TAF1D: variants seen among roughly 807,000 people sequenced by gnomAD.
TAF1D encodes the protein TATA box-binding protein-associated factor RNA polymerase I subunit D.
In TAF1D, 23 loss-of-function variants were observed where a neutral mutation model predicts 26.2. The ratio of observed to expected loss-of-function variants is 0.88; its 90% CI spans 0.63 to 1.25. TAF1D has a LOEUF of 1.25. TAF1D is among the 50% of genes most tolerant of loss of function. The pLI is 0.00. For missense variants in TAF1D, 299 were observed against 322.0 expected, an observed-to-expected ratio of 0.93 and a Z score of 0.55; for synonymous variants, 100 against 105.6, an observed-to-expected ratio of 0.95 and a Z score of 0.33.
At chr11:93,734,940 T>G (rs1049265813), downstream of TAF1D, 2 of 972,552 alleles carry the variant, frequency 2.1e-6, no homozygotes, top group Non-Finnish European at 2.7e-6. Context: ...ATTTTTAAAT[T>G]TTTGTGGAGA....
chr11:93,735,501 T>C (rs1002762038), downstream of TAF1D: 5 of 409,786 alleles, frequency 1.2e-5, no homozygotes, highest in Non-Finnish European at 1.7e-5. Context: ...TGAAAGCCTG[T>C]CTCTACTAAA....
At chr11:93,735,252 A>C (rs374381331), downstream of TAF1D, 2 of 1,340,716 alleles carry the variant, frequency 1.5e-6, no homozygotes, top group South Asian at 2.3e-5. Context: ...AAAATGCACT[A>C]CATAGCAGAG....
chr11:93,738,144 T>C lies in TAF1D; in HGVS notation c.424A>G (p.Lys142Glu). Residue 142 changes from lysine (K) to glutamate (E), a missense_variant, in exon 3 of 6, where the codon AAA becomes GAA. Physicochemically the swap from Lys to Glu is moderately conservative, Grantham distance 56 (BLOSUM62 1). Coordinates refer to ENST00000448108, the MANE Select transcript of TAF1D (RefSeq NM_024116.4). ...GFPFLESENEKNAPWRKILTF... is the reference protein window; with the variant it reads ...GFPFLESENEENAPWRKILTF... ...AAAATTTTTCTCCAAGGTGCGTTTTTTTCATTCTCTGATTCTAAAAATGGG... is the reference window on the plus strand; with the variant it reads ...AAAATTTTTCTCCAAGGTGCGTTTTCTTCATTCTCTGATTCTAAAAATGGG... 3 of 1,564,832 alleles carry C rather than the reference T, an allele frequency of 1.9e-6. No individual in the cohort carries two copies. The highest frequency in any genetic ancestry group is 1.2e-5 in the South Asian group (1 of 82,568).
intron 1 of TAF1D, among the ~76,000 whole-genome samples, chr11:93,740,441 A>G (rs1390390544): frequency 2.3e-4 from 25 of 110,774 alleles, no homozygotes; most frequent in East Asian, 1.5e-3. Flanking sequence ...AGGAAAAAAA[A>G]AAAAAAAAAA....
intron 2 of TAF1D, chr11:93,738,972 C>T (rs547192902): frequency 9.8e-5 from 47 of 480,130 alleles, no homozygotes; most frequent in Middle Eastern, 1.1e-3. Context: ...CCTACCGAAC[C>T]GGAGGATGTA....
rs1940684323 is a variant in TAF1D, at chr11:93,735,988, C to G, written c.*173G>C. 7.2e-7 allele frequency: 1 copy of G among 1,379,362 alleles called. No individual in the cohort carries two copies. Among genetic ancestry groups the G allele is most frequent in the African/African-American group, 1.5e-5 (1 of 66,200 alleles). 85.4% of individuals were successfully genotyped at this position (1,379,362 alleles called of 1,614,324 possible). A position where few individuals can be genotyped will look rare whatever the true frequency, so the allele number is the denominator to read the frequency against. ...TTTTTTTCTAATTATTACTACTTCACAAGTTTCTTTCACAAACTTCTTCAC... is the reference window on the plus strand; with the variant it reads ...TTTTTTTCTAATTATTACTACTTCAGAAGTTTCTTTCACAAACTTCTTCAC... On this transcript the variant is annotated 3_prime_UTR_variant, in exon 6 of 6. Transcript: ENST00000448108.
downstream of TAF1D, chr11:93,732,410 C>T (rs1939354568): frequency 1.9e-6 from 1 of 518,888 alleles, no homozygotes; most frequent in African/African-American, 1.9e-5. Flanking sequence ...GCCAAGAAAA[C>T]CAACGATGCC....
At position 93,738,446 on chromosome 11, in the gene TAF1D, GGTGA is replaced by G. The variant is rs767718392; in HGVS notation, c.118_121del (p.Ser40LeufsTer35). ...AATGGGGTTTCTTTTCTCCCCTTTA[GGTGA>G]GTAAGGGATACACTGAGTTTTAAAT... On this transcript the variant is annotated frameshift_variant, in exon 3 of 6. Coordinates refer to ENST00000448108, the MANE Select transcript of TAF1D (RefSeq NM_024116.4). LOFTEE classifies it high-confidence loss of function. 1 of 1,607,766 alleles carries G rather than the reference GGTGA, an allele frequency of 6.2e-7. No homozygotes were observed. Among genetic ancestry groups the G allele is most frequent in the South Asian group, 1.1e-5 (1 of 89,238 alleles).
intron 3 of TAF1D, 120 bp downstream of exon 3, chr11:93,737,989 A>G: frequency 8.5e-7 from 1 of 1,177,852 alleles, no homozygotes; most frequent in Admixed American, 2.7e-5. Flanking sequence ...TCAGTATAGA[A>G]GAGTATCAAA....
Position 93,738,147 on chromosome 11 carries a change from C to A in TAF1D, c.421G>T (p.Glu141Ter), listed in dbSNP as rs761554639. 1.3e-6 allele frequency: 2 copies of A among 1,563,832 alleles called. No homozygotes were observed. The highest frequency in any genetic ancestry group is 2.3e-5 in the East Asian group (1 of 44,062). ...ATTTTTCTCCAAGGTGCGTTTTTTT[C>A]ATTCTCTGATTCTAAAAATGGGAAG... Reference protein sequence around the residue: ...SGFPFLESENEKNAPWRKILT... With the variant: ...SGFPFLESEN Residue 141 changes from glutamate to a stop codon, truncating the protein, a stop_gained, in exon 3 of 6, where the codon GAA becomes TAA. Coordinates refer to ENST00000448108, the MANE Select transcript of TAF1D (RefSeq NM_024116.4). LOFTEE classifies it high-confidence loss of function.
At chr11:93,730,242 G>GA (rs1555014009) in exon 12 of TAF1D, 2 of 1,550,990 alleles carry the variant, frequency 1.3e-6, no homozygotes. Context: ...AAACACTAGA[G>GA]AAACTTCGAG....
chr11:93,740,423 C>G (rs1460231661), intron 1 of TAF1D, among the ~76,000 whole-genome samples: 2 of 107,280 alleles, frequency 1.9e-5, no homozygotes, highest in East Asian at 2.8e-4. Flanking sequence ...AGAGCAAGAC[C>G]CTGTCTCAGG....
downstream of TAF1D, chr11:93,734,926 G>A (rs1210388929): frequency 1.0e-5 from 9 of 865,390 alleles, no homozygotes; most frequent in Admixed American, 3.2e-4. Flanking sequence ...CCAGTACCCA[G>A]CTAATTTTTA....
Position 93,741,359 on chromosome 11 carries a change from C to T in TAF1D, c.-65G>A. 1 of 455,486 alleles carries T rather than the reference C, an allele frequency of 2.2e-6. No individual in the cohort carries two copies. The highest frequency in any genetic ancestry group is 1.5e-5 in the South Asian group (1 of 64,520). 28.2% of individuals were successfully genotyped at this position (455,486 alleles called of 1,614,324 possible). On this transcript the variant is annotated 5_prime_UTR_variant, in exon 1 of 6. Coordinates refer to ENST00000448108, the MANE Select transcript of TAF1D (RefSeq NM_024116.4). ...CGCAGTGGCCCCAACCGCGCACTTGCTGCTTGTAACCCAGGCCTCGGCCCA... is the reference window on the plus strand; with the variant it reads ...CGCAGTGGCCCCAACCGCGCACTTGTTGCTTGTAACCCAGGCCTCGGCCCA...
Position 93,736,249 on chromosome 11 carries a change from T to C in TAF1D, c.749A>G (p.Glu250Gly). The part of the protein sequence containing the change: ...EFPVRLSVYL[E>G]EEDITEEAAL... The stretch of plus-strand genomic sequence containing the variant: ...AGCTTCTTCAGTAATATCCTCTTCT[T>C]CTAAGTATACACTCAGTCTTACAGG... The change falls in exon 6 of 6, where the codon GAA becomes GGA. Residue 250 changes from glutamate to glycine, a missense_variant. Physicochemically the swap from Glu to Gly is moderately conservative, Grantham distance 98. Transcript: ENST00000448108. 6.2e-7 allele frequency: 1 copy of C among 1,613,428 alleles called. No homozygotes were observed. The highest frequency in any genetic ancestry group is 8.5e-7 in the Non-Finnish European group (1 of 1,179,790).
intron 5 of TAF1D, 120 bp downstream of exon 5, chr11:93,736,574 A>C (rs1285628538): frequency 6.9e-7 from 1 of 1,448,330 alleles, no homozygotes; most frequent in African/African-American, 1.5e-5. Flanking sequence ...TTCCTGCAGT[A>C]AACTTATAGA....
chr11:93,737,102 C>T lies in TAF1D; in HGVS notation c.597G>A (p.Leu199=). The T allele has an allele frequency of 1.9e-6, 3 of 1,607,952 alleles. No individual in the cohort carries two copies. Among genetic ancestry groups the T allele is most frequent in the Non-Finnish European group, 2.5e-6 (3 of 1,177,716 alleles). The part of the protein sequence containing the change: ...EDFDSRRYKF[L]DDDGSISPIE... The stretch of plus-strand genomic sequence containing the variant: ...TAGGAGAAATGGATCCATCATCATC[C>T]AAAAATTTGTATCTACGACTGTCAA... Residue 199 remains leucine (L), a synonymous_variant, in exon 4 of 6, where the codon TTG becomes TTA. Transcript: ENST00000448108.
chr11:93,736,620 C>G, intron 5 of TAF1D, 74 bp downstream of exon 5: 1 of 1,556,014 alleles, frequency 6.4e-7, no homozygotes, highest in East Asian at 2.3e-5. Flanking sequence ...AAGAGAAAAA[C>G]TAAATATAAT....
chr11:93,730,661 T>G (rs754355701), downstream of TAF1D: 2 of 529,824 alleles, frequency 3.8e-6, no homozygotes, highest in Non-Finnish European at 3.7e-6. Context: ...AAATGTCTTT[T>G]CTAATGCATA....
Sources: allele counts gnomAD v4.1 joint callset (sites outside exome capture counted in the v4.1 genomes callset), GRCh38; gene constraint gnomAD v4.1.1; transcripts MANE v1.5; gene names NCBI Gene and HGNC (gene_info 2026-07-23, HGNC 2026-07-21).